SFI1: variants seen among roughly 807,000 people sequenced by gnomAD.
The protein encoded by SFI1 is SFI1 centrin binding protein, also known as protein SFI1 homolog.
SFI1 carries 195 observed loss-of-function variants against 207.5 expected under a neutral mutation model. The ratio of observed to expected loss-of-function variants is 0.94; its 90% CI spans 0.84 to 1.06. The LOEUF is 1.06. Among genes scored for constraint, SFI1 ranks in the 50% least tolerant of loss-of-function variants. The pLI is 0.00. For missense variants in SFI1, 1,634 were observed against 1,588.0 expected, an observed-to-expected ratio of 1.03 and a Z score of -0.49; for synonymous variants, 630 against 598.9, an observed-to-expected ratio of 1.05 and a Z score of -0.76.
rs560534587 is a variant in SFI1, at chr22:31,559,315, C to T, written c.663-1975C>T. Among the ~76,000 whole-genome samples the T allele has an allele frequency of 5.3e-4, 81 of 152,000 alleles. No homozygotes were observed. The East Asian group carries it at 0.015, about 29-fold the overall frequency. ...GTGCACGCCTATAATCCCAGCTACTCGGGAGGCTGAGGCATGAGAACCGCT... is the reference window on the plus strand; with the variant it reads ...GTGCACGCCTATAATCCCAGCTACTTGGGAGGCTGAGGCATGAGAACCGCT... On this transcript the variant is annotated intron_variant, in intron 7 of 32. Coordinates refer to ENST00000400288, the MANE Select transcript of SFI1 (RefSeq NM_001007467.3).
rs1569352561 is a variant in SFI1, at chr22:31,575,080, TAGTG to T, written c.923-150_923-147del. 2.3e-4 allele frequency: 94 copies of T among 406,766 alleles called. 1 individual carries two copies. In the South Asian group the frequency reaches 6.6e-3, roughly 28 times the overall value. 25.2% of individuals were successfully genotyped at this position (406,766 alleles called of 1,614,324 possible). ...ACTCAAAGAAAAAAAAAAAAAAACTTAGTGCGTGTGTGTGTGTGTGTGTGTGTGT... is the reference window on the plus strand; with the variant it reads ...ACTCAAAGAAAAAAAAAAAAAAACTTCGTGTGTGTGTGTGTGTGTGTGTGT... On this transcript the variant is annotated intron_variant, in intron 9 of 32. Coordinates refer to ENST00000400288, the MANE Select transcript of SFI1 (RefSeq NM_001007467.3).
Position 31,604,902 on chromosome 22 carries a change from G to T in SFI1, c.2011G>T (p.Glu671Ter). ...GGGCAGGGTGCGAAGCATCCTCCGG[G>T]AGGTGGCAGCCAGGGAGAGCCAGCA... Reference protein sequence around the residue: ...YQGRVRSILREVAARESQHNR... With the variant: ...YQGRVRSILR The change falls in exon 20 of 33, where the codon GAG becomes TAG. Residue 671 changes from glutamate (E) to a stop codon, truncating the protein, a stop_gained. Coordinates refer to ENST00000400288, the MANE Select transcript of SFI1 (RefSeq NM_001007467.3). LOFTEE classifies it high-confidence loss of function. 3 of 1,611,916 alleles carry T rather than the reference G, an allele frequency of 1.9e-6. No individual in the cohort carries two copies. Among genetic ancestry groups the T allele is most frequent in the Non-Finnish European group, 2.5e-6 (3 of 1,178,916 alleles).
At chr22:31,568,210 GTATATA>G (rs1158605358) in intron 8 of SFI1, among the ~76,000 whole-genome samples, 52 of 114,598 alleles carry the variant, frequency 4.5e-4, no homozygotes, top group African/African-American at 1.4e-3. Flanking sequence ...GTGTGTGTGT[GTATATA>G]TATATATATA....
At chr22:31,557,541 G>T (rs1441062280) in intron 7 of SFI1, among the ~76,000 whole-genome samples, 1 of 152,038 alleles carries the variant, frequency 6.6e-6, no homozygotes, top group Non-Finnish European at 1.5e-5. Flanking sequence ...AAGATTTACT[G>T]ATAACTTGTT....
At chr22:31,546,794 T>G in intron 4 of SFI1, 67 bp from the exon 5 acceptor site, 2 of 1,113,426 alleles carry the variant, frequency 1.8e-6, no homozygotes, top group Non-Finnish European at 2.6e-6. Flanking sequence ...GGCAAGAATA[T>G]GTGATTTGGG....
intron 1 of SFI1, among the ~76,000 whole-genome samples, chr22:31,506,897 A>G (rs2054726099): frequency 6.6e-6 from 1 of 152,054 alleles, no homozygotes; most frequent in South Asian, 2.1e-4. Flanking sequence ...ATGCTCATGT[A>G]TAGGAAAAAT....
chr22:31,505,077 TA>T (rs139676268), intron 1 of SFI1, among the ~76,000 whole-genome samples: 3,646 of 152,220 alleles, frequency 0.024, 134 homozygotes, highest in African/African-American at 0.081. Context: ...AATAATAATT[TA>T]AAAAACTATG....
Position 31,594,325 on chromosome 22 carries a change from G to A in SFI1, c.1544+4748G>A, listed in dbSNP as rs951007527. The stretch of plus-strand genomic sequence containing the variant: ...AGCACTTTGGGAGGCCGGAGCGGGC[G>A]GATCACAAGGTCAAGAGTTCAAGAC... On this transcript the variant is annotated intron_variant, in intron 15 of 32. Coordinates refer to ENST00000400288, the MANE Select transcript of SFI1 (RefSeq NM_001007467.3). Among the ~76,000 whole-genome samples the A allele has an allele frequency of 3.9e-5, 6 of 152,066 alleles. No individual in the cohort carries two copies. In the South Asian group the frequency reaches 1.0e-3, roughly 26 times the overall value.
chr22:31,609,575 C>G (rs148619964), intron 22 of SFI1, among the ~76,000 whole-genome samples: 1 of 152,222 alleles, frequency 6.6e-6, no homozygotes, highest in African/African-American at 2.4e-5. Flanking sequence ...GAGTTTGCTC[C>G]AGGACAAAAC....
At chr22:31,509,992 C>T (rs2055251317) in intron 2 of SFI1, among the ~76,000 whole-genome samples, 1 of 152,018 alleles carries the variant, frequency 6.6e-6, no homozygotes, top group Admixed American at 6.6e-5. Flanking sequence ...ACAGTCTCGG[C>T]TCACTGCAAT....
chr22:31,518,149 G>A (rs1162427824), intron 2 of SFI1, among the ~76,000 whole-genome samples: 1 of 152,132 alleles, frequency 6.6e-6, no homozygotes, highest in Non-Finnish European at 1.5e-5. Context: ...ACCACGCCTG[G>A]CTGTTTTTTG....
chr22:31,567,345 G>T (rs1187253655), intron 8 of SFI1, among the ~76,000 whole-genome samples: 1 of 152,174 alleles, frequency 6.6e-6, no homozygotes, highest in Non-Finnish European at 1.5e-5. Context: ...TAGGAAGGAT[G>T]AGGTTATGAG....
At chr22:31,556,871 G>C in intron 6 of SFI1, 71 bp from the exon 7 acceptor site, 2 of 1,028,660 alleles carry the variant, frequency 1.9e-6, no homozygotes, top group South Asian at 1.7e-5. Flanking sequence ...GAGAGCCCTT[G>C]AGCTTTTATC....
chr22:31,575,141 C>A (rs1288800857), intron 9 of SFI1, 90 bp from the exon 10 acceptor site: 4 of 1,198,770 alleles, frequency 3.3e-6, no homozygotes, highest in Non-Finnish European at 4.6e-6. Flanking sequence ...CCCCTGCTCT[C>A]TGCCAGTAGT....
chr22:31,542,864 G>A (rs1043673628), intron 4 of SFI1, among the ~76,000 whole-genome samples: 10 of 151,740 alleles, frequency 6.6e-5, no homozygotes, highest in East Asian at 2.0e-4. Context: ...GTTTCGCCAC[G>A]TTGGCCAGGC....
At chr22:31,531,438 G>GA (rs932684477) in intron 4 of SFI1, among the ~76,000 whole-genome samples, 10 of 151,240 alleles carry the variant, frequency 6.6e-5, no homozygotes, top group South Asian at 2.1e-4. Flanking sequence ...GAAAAAGAAA[G>GA]AAAAAAAAAT....
intron 3 of SFI1, chr22:31,530,510 A>AAAAAAAAAAAAAAAAC (rs2058407826): frequency 3.1e-6 from 1 of 327,084 alleles, no homozygotes; most frequent in Non-Finnish European, 6.3e-6. Flanking sequence ...AAAAAAAAAA[A>AAAAAAAAAAAAAAAAC]AAAGACAAGC....
chr22:31,522,358 T>C (rs1465659271), intron 2 of SFI1, among the ~76,000 whole-genome samples: 2 of 152,080 alleles, frequency 1.3e-5, no homozygotes, highest in Admixed American at 1.3e-4. Flanking sequence ...ACGCCTGGCC[T>C]ATTTTAACTG....
At chr22:31,503,118 G>C (rs1229342323) in intron 1 of SFI1, among the ~76,000 whole-genome samples, 6 of 151,862 alleles carry the variant, frequency 4.0e-5, no homozygotes, top group African/African-American at 1.5e-4. Context: ...GTCTGAGCAG[G>C]ACTTGTGAGT....
Sources: allele counts gnomAD v4.1 joint callset (sites outside exome capture counted in the v4.1 genomes callset), GRCh38; gene constraint gnomAD v4.1.1; transcripts MANE v1.5; gene names NCBI Gene and HGNC (gene_info 2026-07-23, HGNC 2026-07-21).